The following TENM3 variants were observed in gnomAD, a reference collection of about 807,000 sequenced individuals.
The protein encoded by TENM3 is teneurin transmembrane protein 3.
In TENM3, 63 loss-of-function variants were observed where a neutral mutation model predicts 255.1. That is an observed-to-expected ratio of 0.25 (90% CI 0.20 to 0.30). TENM3 has a LOEUF of 0.30. Among genes scored for constraint, TENM3 ranks in the 10% least tolerant of loss-of-function variants. The probability of loss-of-function intolerance (pLI) is 1.00; values close to 1 mark genes in which losing one functional copy is unlikely to be tolerated. For missense variants in TENM3, 2,929 were observed against 3,461.1 expected, an observed-to-expected ratio of 0.85 and a Z score of 3.86; for synonymous variants, 1,306 against 1,322.3, an observed-to-expected ratio of 0.99 and a Z score of 0.27.
the TENM3 span, among the ~76,000 whole-genome samples, chr4:181,810,389 TAATG>T: frequency 6.6e-6 from 1 of 152,062 alleles, no homozygotes; most frequent in African/African-American, 2.4e-5. Context: ...ACCCAGTAAA[TAATG>T]AACGAATCTG....
chr4:181,919,407 T>C, the TENM3 span, among the ~76,000 whole-genome samples: 3 of 106,894 alleles, frequency 2.8e-5, no homozygotes, highest in African/African-American at 4.4e-5. Context: ...GTGTGTCTGG[T>C]GTATTGGGAA....
At chr4:181,579,381 G>A in the TENM3 span, among the ~76,000 whole-genome samples, 4 of 152,152 alleles carry the variant, frequency 2.6e-5, no homozygotes, top group South Asian at 2.1e-4. Flanking sequence ...TACCTAGCTC[G>A]AATTTTGTAA....
At chr4:182,513,655 G>A (rs1197646621) in intron 3 of TENM3, among the ~76,000 whole-genome samples, 8 of 152,208 alleles carry the variant, frequency 5.3e-5, no homozygotes, top group African/African-American at 1.7e-4. Context: ...GACAGATGTG[G>A]AGGAACTGTG....
chr4:182,721,264 A>G (rs1305102561), intron 13 of TENM3, among the ~76,000 whole-genome samples: 1 of 152,210 alleles, frequency 6.6e-6, no homozygotes, highest in Non-Finnish European at 1.5e-5. Context: ...TCTCATTGTC[A>G]GAAGAGTTAG....
At chr4:181,460,099 TAA>T in the TENM3 span, among the ~76,000 whole-genome samples, 1 of 151,932 alleles carries the variant, frequency 6.6e-6, no homozygotes, top group Non-Finnish European at 1.5e-5. Flanking sequence ...TATTGTAGTA[TAA>T]ATTCCATTAT....
At chr4:181,770,367 C>G in the TENM3 span, among the ~76,000 whole-genome samples, 73 of 152,242 alleles carry the variant, frequency 4.8e-4, no homozygotes, top group East Asian at 0.014. Context: ...CAGTGCTAAC[C>G]TCACTGTCTT....
intron 1 of TENM3, chr4:182,190,202 C>G (rs891494352): frequency 2.0e-5 from 3 of 152,094 alleles, no homozygotes; most frequent in East Asian, 1.9e-4. Flanking sequence ...TTTGCCCTTA[C>G]ACATGAAATT....
intron 3 of TENM3, among the ~76,000 whole-genome samples, chr4:182,364,671 G>C (rs969167768): frequency 6.6e-6 from 1 of 152,094 alleles, no homozygotes; most frequent in Non-Finnish European, 1.5e-5. Context: ...CGCTCGTCTC[G>C]GCCTCCCATA....
At chr4:182,117,725 T>C in the TENM3 span, among the ~76,000 whole-genome samples, 1 of 152,216 alleles carries the variant, frequency 6.6e-6, no homozygotes, top group Admixed American at 6.5e-5. Flanking sequence ...TGAAGTTGAA[T>C]AGCATCAGTC....
Position 182,773,659 on chromosome 4 carries a change from A to G in TENM3, c.5068+12A>G. 6.2e-7 allele frequency: 1 copy of G among 1,605,140 alleles called. No homozygotes were observed. The highest frequency in any genetic ancestry group is 8.5e-7 in the Non-Finnish European group (1 of 1,174,044). On this transcript the variant is annotated intron_variant, in intron 23 of 27. Coordinates refer to ENST00000511685, the MANE Select transcript of TENM3 (RefSeq NM_001080477.4). ...CACCATGGTTCAAGGTAAACACGAAAGCATCATTTTAAACAAGTACCACCA... is the reference window on the plus strand; with the variant it reads ...CACCATGGTTCAAGGTAAACACGAAGGCATCATTTTAAACAAGTACCACCA...
At chr4:182,086,768 C>A in the TENM3 span, among the ~76,000 whole-genome samples, 1 of 152,094 alleles carries the variant, frequency 6.6e-6, no homozygotes, top group Non-Finnish European at 1.5e-5. Flanking sequence ...GTTTGAGCAA[C>A]ACTTAGAAAT....
the TENM3 span, among the ~76,000 whole-genome samples, chr4:181,640,089 G>A: frequency 6.6e-6 from 1 of 152,360 alleles, no homozygotes; most frequent in East Asian, 1.9e-4. Context: ...GCTGAAGACA[G>A]TTGAATGAAC....
At chr4:181,919,304 A>C in the TENM3 span, among the ~76,000 whole-genome samples, 3 of 151,860 alleles carry the variant, frequency 2.0e-5, no homozygotes, top group African/African-American at 7.3e-5. Flanking sequence ...GGCCAACTGG[A>C]ACAGAAAGAG....
the TENM3 span, among the ~76,000 whole-genome samples, chr4:181,921,753 C>T: frequency 1.3e-5 from 2 of 152,078 alleles, no homozygotes; most frequent in South Asian, 2.1e-4. Context: ...TTGCCCTGGC[C>T]AGAACTTCCA....
At chr4:182,542,490 G>C (rs1207770650) in intron 3 of TENM3, among the ~76,000 whole-genome samples, 2 of 152,120 alleles carry the variant, frequency 1.3e-5, no homozygotes, top group Non-Finnish European at 2.9e-5. Context: ...TCTCCACCTA[G>C]AGCCAAGGTC....
chr4:182,053,654 G>A, the TENM3 span, among the ~76,000 whole-genome samples: 4 of 152,184 alleles, frequency 2.6e-5, no homozygotes, highest in African/African-American at 9.6e-5. Context: ...GGTTGCTACA[G>A]CAATTTCATC....
chr4:182,634,855 C>CT (rs1277746278), intron 5 of TENM3, among the ~76,000 whole-genome samples: 2 of 152,004 alleles, frequency 1.3e-5, no homozygotes, highest in African/African-American at 4.8e-5. Context: ...ACAGAAAGCT[C>CT]TTTTTTCTGG....
At chr4:181,919,502 T>G in the TENM3 span, among the ~76,000 whole-genome samples, 1 of 152,180 alleles carries the variant, frequency 6.6e-6, no homozygotes, top group East Asian at 1.9e-4. Flanking sequence ...ATTAACTTTT[T>G]ACCTGAGAGT....
At chr4:182,593,889 C>G (rs1746916199) in intron 3 of TENM3, among the ~76,000 whole-genome samples, 2 of 152,104 alleles carry the variant, frequency 1.3e-5, no homozygotes, top group Non-Finnish European at 2.9e-5. Flanking sequence ...CTGAAGACCA[C>G]AGCCCAAGGC....
Sources: allele counts gnomAD v4.1 joint callset (sites outside exome capture counted in the v4.1 genomes callset), GRCh38; gene constraint gnomAD v4.1.1; transcripts MANE v1.5; gene names NCBI Gene and HGNC (gene_info 2026-07-23, HGNC 2026-07-21).